APC: variants seen among roughly 807,000 people sequenced by gnomAD.
APC encodes adenomatous polyposis coli protein.
APC carries 72 observed loss-of-function variants against 247.0 expected under a neutral mutation model. The ratio of observed to expected loss-of-function variants is 0.29; its 90% CI spans 0.24 to 0.35. APC has a LOEUF of 0.35. APC is among the 10% of genes least tolerant of loss of function. APC has a pLI of 1.00. For missense variants in APC, 3,400 were observed against 3,360.7 expected, an observed-to-expected ratio of 1.01 and a Z score of -0.29; for synonymous variants, 1,254 against 1,162.5, an observed-to-expected ratio of 1.08 and a Z score of -1.60.
At chr5:112,741,588 AAT>A (rs1340820827) in intron 1 of APC, among the ~76,000 whole-genome samples, 3 of 152,146 alleles carry the variant, frequency 2.0e-5, no homozygotes, top group Non-Finnish European at 4.4e-5. Context: ...TTTTACAGTT[AAT>A]GAGATTTTTA....
chr5:112,776,963 T>C (rs1757729861), intron 5 of APC, among the ~76,000 whole-genome samples: 2 of 152,340 alleles, frequency 1.3e-5, no homozygotes, highest in South Asian at 4.1e-4. Context: ...GGTTTCCTCA[T>C]CTGGATGTTG....
chr5:112,791,829 A>G (rs1315122895), intron 6 of APC, among the ~76,000 whole-genome samples: 5 of 152,210 alleles, frequency 3.3e-5, no homozygotes, highest in Admixed American at 1.3e-4. Flanking sequence ...AATTTTCACA[A>G]TGTGTATTGT....
intron 14 of APC, chr5:112,829,711 A>T (rs940866801): frequency 6.6e-6 from 1 of 152,314 alleles, no homozygotes; most frequent in Non-Finnish European, 1.5e-5. Flanking sequence ...TTGTCTCCAG[A>T]TACTGTCAGA....
chr5:112,822,077 T>C (rs574370820), intron 11 of APC, 86 bp downstream of exon 11: 1 of 919,212 alleles, frequency 1.1e-6, no homozygotes, highest in African/African-American at 1.6e-5. Flanking sequence ...TAAATAAAGA[T>C]TTTTAATCAT....
intron 5 of APC, among the ~76,000 whole-genome samples, chr5:112,778,698 C>G (rs1354898365): frequency 6.6e-6 from 1 of 152,006 alleles, no homozygotes; most frequent in East Asian, 1.9e-4. Flanking sequence ...AGCATGCCAC[C>G]ATGTCCAGCT....
rs773125634 is a variant in APC, at chr5:112,840,956, C to T, written c.5362C>T (p.Arg1788Cys). The T allele has an allele frequency of 6.2e-6, 10 of 1,612,794 alleles. No individual in the cohort carries two copies. Among genetic ancestry groups the T allele is most frequent in the African/African-American group, 5.4e-5 (4 of 74,714 alleles). ...PIPQNTEYRT[R>C]VRKNADSKNN... The stretch of plus-strand genomic sequence containing the variant: ...ACCACAAAATACTGAATATAGGACA[C>T]GTGTAAGAAAAAATGCAGACTCAAA... Residue 1788 changes from arginine to cysteine, a missense_variant, in exon 16 of 16, where the codon CGT (arginine) becomes TGT (cysteine). This residue lies in a region of APC where 1,788 missense variants were observed against 1,649.5 expected (regional missense o/e 1.08). Transcript: ENST00000257430. This position sits in a 1 kb window ranked among gnomAD's most constrained non-coding sequence, Gnocchi z 4.1.
rs1756782642 is a variant in APC, at chr5:112,769,476, C to T, written c.422+2086C>T. On this transcript the variant is annotated intron_variant, in intron 4 of 15. Coordinates refer to ENST00000257430, the MANE Select transcript of APC (RefSeq NM_000038.6). The stretch of plus-strand genomic sequence containing the variant: ...TCTTCCTAAAGTTAACATTATCTCA[C>T]TGCAGATACCAAAATATAGATCATT... 1.3e-5 allele frequency among the ~76,000 whole-genome samples: 2 copies of T among 152,178 alleles called. 1 individual carries two copies. Among genetic ancestry groups the T allele is most frequent in the South Asian group, 4.1e-4 (2 of 4,834 alleles).
chr5:112,744,813 A>C (rs1321421109), intron 1 of APC, among the ~76,000 whole-genome samples: 1 of 152,240 alleles, frequency 6.6e-6, no homozygotes, highest in Non-Finnish European at 1.5e-5. Flanking sequence ...GATATAATAG[A>C]TTGTGAACAC....
chr5:112,839,680 C>T lies in APC; in HGVS notation c.4086C>T (p.Ser1362=), dbSNP rs763053012. The part of the protein sequence containing the change: ...VEFSSGAKSP[S]KSGAQTPKSP... ...TTTCTTCAGGAGCGAAATCTCCCTCCAAAAGTGGTGCTCAGACACCCAAAA... is the reference window on the plus strand; with the variant it reads ...TTTCTTCAGGAGCGAAATCTCCCTCTAAAAGTGGTGCTCAGACACCCAAAA... The change falls in exon 16 of 16, where the codon TCC becomes TCT. Residue 1362 remains serine (S), a synonymous_variant. Transcript: ENST00000257430. This position sits in a 1 kb window ranked among gnomAD's most constrained non-coding sequence, Gnocchi z 5.0. 5 of 1,614,122 alleles carry T rather than the reference C, an allele frequency of 3.1e-6. No individual in the cohort carries two copies. Among genetic ancestry groups the T allele is most frequent in the Non-Finnish European group, 4.2e-6 (5 of 1,180,020 alleles).
rs115952918 is a variant in APC, at chr5:112,817,136, C to A, written c.933+1543C>A. 2.3e-3 allele frequency among the ~76,000 whole-genome samples: 350 copies of A among 152,208 alleles called. 2 individuals carry two copies. The highest frequency in any genetic ancestry group is 8.0e-3 in the African/African-American group (332 of 41,552). On this transcript the variant is annotated intron_variant, in intron 9 of 15. Coordinates refer to ENST00000257430, the MANE Select transcript of APC (RefSeq NM_000038.6). Reference sequence around the variant, plus strand: ...GCGCTCATCTCTGCCTCCCAAAGTGCTGGGATTAGAGGCATGAGTGACCAC... The same window carrying A: ...GCGCTCATCTCTGCCTCCCAAAGTGATGGGATTAGAGGCATGAGTGACCAC...
rs1752578969 is a variant in APC at position 112,738,399 on chromosome 5, A to T, written c.-19+474A>T. ...AAGAGAGAGGAGACAAAACCGCTGC[A>T]GATGGCTGATGTGAATCTAGTGGAA... On this transcript the variant is annotated intron_variant, in intron 1 of 15. Coordinates refer to ENST00000257430, the MANE Select transcript of APC (RefSeq NM_000038.6). 10 of 985,694 alleles carry T rather than the reference A, an allele frequency of 1.0e-5. No individual in the cohort carries two copies. In the South Asian group the frequency reaches 4.7e-4, roughly 46 times the overall value. 61.1% of individuals were successfully genotyped at this position (985,694 alleles called of 1,614,324 possible). A position where few individuals can be genotyped will look rare whatever the true frequency, so the allele number is the denominator to read the frequency against.
At chr5:112,737,597 CTT>C (rs1303789669), upstream of APC, among the ~76,000 whole-genome samples, 4 of 152,388 alleles carry the variant, frequency 2.6e-5, no homozygotes, top group Admixed American at 6.5e-5. Flanking sequence ...TCCCCCGACT[CTT>C]TACTATGCGT....
chr5:112,819,838 C>T (rs958318206), intron 10 of APC, among the ~76,000 whole-genome samples: 1 of 152,168 alleles, frequency 6.6e-6, no homozygotes, highest in Non-Finnish European at 1.5e-5. Context: ...TTATCATCTC[C>T]ATTTTACAGA....
rs1267611440 is a variant in APC, at chr5:112,836,702, C to CTTTTCTTTT, written c.1959-837_1959-829dup. 6.6e-5 allele frequency among the ~76,000 whole-genome samples: 10 copies of CTTTTCTTTT among 151,980 alleles called. No homozygotes were observed. In the East Asian group the frequency reaches 1.9e-3, roughly 29 times the overall value. ...CACAGTCTGCCAAAGAGCAGTTTTTCTTTTCTTTTTTTTCTTTTTTTTGAG... is the reference window on the plus strand; with the variant it reads ...CACAGTCTGCCAAAGAGCAGTTTTTCTTTTCTTTTTTTTCTTTTTTTTCTTTTTTTTGAG... On this transcript the variant is annotated intron_variant, in intron 15 of 15. Coordinates refer to ENST00000257430, the MANE Select transcript of APC (RefSeq NM_000038.6).
intron 1 of APC, among the ~76,000 whole-genome samples, chr5:112,747,175 CAAAT>C (rs1753780556): frequency 6.6e-6 from 1 of 151,976 alleles, no homozygotes; most frequent in Non-Finnish European, 1.5e-5. Context: ...CACAGCAACT[CAAAT>C]AGCCAAAAGC....
intron 11 of APC, among the ~76,000 whole-genome samples, chr5:112,823,715 C>T (rs1384940667): frequency 1.3e-5 from 2 of 152,112 alleles, no homozygotes; most frequent in African/African-American, 2.4e-5. Flanking sequence ...CTAATCTACC[C>T]CAGAAACTGT....
intron 1 of APC, among the ~76,000 whole-genome samples, chr5:112,731,480 C>A (rs1261738613): frequency 6.6e-6 from 1 of 152,148 alleles, no homozygotes; most frequent in African/African-American, 2.4e-5. Context: ...TTTGTAGCCT[C>A]AGGCTTTTTA....
intron 11 of APC, among the ~76,000 whole-genome samples, chr5:112,824,836 C>T (rs1763479595): frequency 6.6e-6 from 1 of 152,094 alleles, no homozygotes; most frequent in Non-Finnish European, 1.5e-5. Context: ...TTTTCTTTTA[C>T]CCAAGTGTAA....
intron 8 of APC, 66 bp downstream of exon 8, chr5:112,801,449 G>A (rs1760818788): frequency 2.5e-6 from 3 of 1,192,374 alleles, no homozygotes; most frequent in Non-Finnish European, 3.6e-6. Context: ...GAAGCAAGAT[G>A]GTTCTAAGAA....
Sources: gnomAD v4.1 joint callset for allele counts (sites outside exome capture counted in the v4.1 genomes callset) on GRCh38, gnomAD v4.1.1 for gene constraint, gnomAD v4.1.1 regional missense constraint, Gnocchi (gnomAD v3.1) non-coding constraint, MANE v1.5 for transcripts, NCBI Gene and HGNC (gene_info 2026-07-23, HGNC 2026-07-21) for gene names.